The following ABCC5 variants were observed in gnomAD, a reference collection of about 807,000 sequenced individuals.
ABCC5 encodes ATP-binding cassette sub-family C member 5.
In ABCC5, 61 loss-of-function variants were observed where a neutral mutation model predicts 160.9. The ratio of observed to expected loss-of-function variants is 0.38; its 90% confidence interval spans 0.31 to 0.47. The LOEUF (loss-of-function observed/expected upper bound fraction) is 0.47, where lower values mean the gene tolerates loss of function less well. Among genes scored for constraint, ABCC5 ranks in the 20% least tolerant of loss-of-function variants. ABCC5 has a pLI of 0.99. For missense variants in ABCC5, 1,308 were observed against 1,813.3 expected (o/e 0.72, Z 5.06); for synonymous variants, 666 against 700.6 (o/e 0.95, Z 0.78).
Position 183,995,369 on chromosome 3 carries a change from G to C in ABCC5, c.130-5986C>G, listed in dbSNP as rs1452541450. Among the ~76,000 whole-genome samples the C allele has an allele frequency of 1.3e-5, 2 of 151,920 alleles. 1 individual carries two copies. ...CTAAGAACTCTTCTTCCAACCCCCA[G>C]GTCATGAAGATTTTCTCCTATGTGC... is the stretch of plus-strand genomic sequence containing the variant. On this transcript the variant is annotated intron_variant, in intron 2 of 29. Transcript: ENST00000334444.
In ABCC5 at chr3:183,988,628, T is replaced by C. The variant is rs772986917; in HGVS notation, c.387A>G (p.Ser129=). Residue 129 remains serine, a synonymous_variant, in exon 4 of 30, where the codon TCA becomes TCG. Coordinates refer to ENST00000334444, the MANE Select transcript of ABCC5 (RefSeq NM_005688.4). The surrounding 1 kb of genome is among the most constrained non-coding windows in gnomAD (Gnocchi z 4.4). ...TGGACAGAGACCACACGTCTTCCAT[T>C]GAGAGCTCCCCCTTCTTGTGGGCCA... is the stretch of plus-strand genomic sequence containing the variant. ...ARVAHKKGEL[S]MEDVWSLSKH... 1.2e-6 allele frequency: 2 copies of C among 1,614,180 alleles called. No homozygotes were observed.
intron 10 of ABCC5, among the ~76,000 whole-genome samples, chr3:183,973,001 A>T (rs889144637): frequency 3.3e-5 from 5 of 150,346 alleles, no homozygotes; most frequent in Non-Finnish European, 7.4e-5. Context: ...TAAAACACTG[A>T]TCACAATAAA....
At chr3:183,929,185 C>T (rs1429287302) in intron 26 of ABCC5, among the ~76,000 whole-genome samples, 1 of 152,100 alleles carries the variant, frequency 6.6e-6, no homozygotes, top group Admixed American at 6.6e-5. Flanking sequence ...GTAATCCCAG[C>T]ACTTTGGGAG....
intron 28 of ABCC5, among the ~76,000 whole-genome samples, chr3:183,926,533 G>A (rs1025771793): frequency 6.6e-6 from 1 of 151,552 alleles, no homozygotes; most frequent in Admixed American, 6.6e-5. Context: ...CTGGGTGGCA[G>A]AGTGAGACTC....
intron 26 of ABCC5, among the ~76,000 whole-genome samples, chr3:183,931,650 T>C (rs1361951262): frequency 1.3e-5 from 2 of 152,150 alleles, no homozygotes; most frequent in African/African-American, 4.8e-5. Context: ...TAACATTCAA[T>C]TCACCCAGGT....
chr3:183,997,818 T>A (rs1407613582), intron 2 of ABCC5, among the ~76,000 whole-genome samples: 1 of 152,246 alleles, frequency 6.6e-6, no homozygotes, highest in Non-Finnish European at 1.5e-5. Flanking sequence ...GATTTTGCTC[T>A]GTCACCCAGG....
chr3:183,948,142 C>T (rs970388821), intron 22 of ABCC5, among the ~76,000 whole-genome samples: 1 of 152,206 alleles, frequency 6.6e-6, no homozygotes, highest in Non-Finnish European at 1.5e-5. Context: ...TCTGAAGGCT[C>T]AGTGCACCAT....
At chr3:183,923,777 A>C (rs1712239131) in intron 29 of ABCC5, among the ~76,000 whole-genome samples, 1 of 152,206 alleles carries the variant, frequency 6.6e-6, no homozygotes, top group South Asian at 2.1e-4. Flanking sequence ...GCAAACAAAG[A>C]TAGTCACAAA....
intron 27 of ABCC5, 44 bp downstream of exon 27, chr3:183,928,703 A>C: frequency 1.3e-6 from 2 of 1,566,308 alleles, no homozygotes; most frequent in Non-Finnish European, 1.8e-6. Context: ...CTGTGCTTCC[A>C]CCCTCACCAT....
chr3:183,999,029 G>T (rs1720523944), intron 2 of ABCC5, among the ~76,000 whole-genome samples: 2 of 151,640 alleles, frequency 1.3e-5, no homozygotes, highest in South Asian at 2.1e-4. Flanking sequence ...GGTGCAGGTT[G>T]CAGTGAGCTG....
chr3:183,982,338 G>C lies in ABCC5; in HGVS notation c.999+113C>G. On this transcript the variant is annotated intron_variant, in intron 7 of 29. Coordinates refer to ENST00000334444, the MANE Select transcript of ABCC5 (RefSeq NM_005688.4). The surrounding 1 kb of genome is among the most constrained non-coding windows in gnomAD (Gnocchi z 5.2). Reference sequence around the variant, plus strand: ...TCGAGCTCTAGATTGAACCTGCTTTGAGGAAATTTCCAATCAGAGCTGTGA... The same window carrying C: ...TCGAGCTCTAGATTGAACCTGCTTTCAGGAAATTTCCAATCAGAGCTGTGA... 8.0e-7 allele frequency: 1 copy of C among 1,247,796 alleles called. No individual in the cohort carries two copies. Among genetic ancestry groups the C allele is most frequent in the South Asian group, 1.6e-5 (1 of 64,200 alleles). 77.3% of individuals were successfully genotyped at this position (1,247,796 alleles called of 1,614,324 possible).
chr3:183,984,003 G>A (rs1718976798), intron 5 of ABCC5: 3 of 985,304 alleles, frequency 3.0e-6, no homozygotes, highest in Non-Finnish European at 3.6e-6. Flanking sequence ...CAGGCTGACA[G>A]CACTCAATCA....
At chr3:183,989,406 A>T (rs749960440) in intron 2 of ABCC5, 23 bp from the exon 3 acceptor site, 2 of 1,612,738 alleles carry the variant, frequency 1.2e-6, no homozygotes, top group African/African-American at 2.7e-5. Context: ...ATAGGGAGAA[A>T]GGCAAGAGCA....
chr3:183,936,122 A>G (rs1713690457), intron 26 of ABCC5, among the ~76,000 whole-genome samples: 2 of 152,110 alleles, frequency 1.3e-5, no homozygotes, highest in Admixed American at 6.5e-5. Flanking sequence ...GGCCTCAAGA[A>G]GAGGAGACAC....
rs1277109641 is a variant in ABCC5, at chr3:183,921,468, G to A, written c.4213-67C>T. 21 of 1,465,236 alleles carry A rather than the reference G, an allele frequency of 1.4e-5. No homozygotes were observed. Among genetic ancestry groups the A allele is most frequent in the Admixed American group, 6.5e-5 (3 of 46,368 alleles). The allele number at this position is 1,465,236 out of a possible 1,614,324, so 90.8% of individuals were successfully genotyped here. A position where few individuals can be genotyped will look rare whatever the true frequency, so the allele number is the denominator to read the frequency against. ...ATGCAGGGTGATTCAGAGGATCCACGGCTCAGTAAGTGCCAGTGCCCTCTG... is the reference window on the plus strand; with the variant it reads ...ATGCAGGGTGATTCAGAGGATCCACAGCTCAGTAAGTGCCAGTGCCCTCTG... On this transcript the variant is annotated intron_variant, in intron 29 of 29. Coordinates refer to ENST00000334444, the MANE Select transcript of ABCC5 (RefSeq NM_005688.4). This position sits in a 1 kb window ranked among gnomAD's most constrained non-coding sequence, Gnocchi z 4.1.
intron 2 of ABCC5, among the ~76,000 whole-genome samples, chr3:183,995,724 T>C (rs1297922848): frequency 6.6e-6 from 1 of 152,230 alleles, no homozygotes; most frequent in East Asian, 1.9e-4. Flanking sequence ...TTCAACTTTA[T>C]CCTTCCTTTT....
rs1373054585 is a variant in ABCC5, at chr3:183,963,652, C to T, written c.2032-64G>A. On this transcript the variant is annotated intron_variant, in intron 14 of 29. Coordinates refer to ENST00000334444, the MANE Select transcript of ABCC5 (RefSeq NM_005688.4). The surrounding 1 kb of genome is among the most constrained non-coding windows in gnomAD (Gnocchi z 4.6). ...AGTCCAGAACAGCGTGGAGGGGTCA[C>T]CCAGTCACTTCTCTTCTTGCCCACC... is the stretch of plus-strand genomic sequence containing the variant. 6.6e-7 allele frequency: 1 copy of T among 1,523,742 alleles called. No homozygotes were observed. Among genetic ancestry groups the T allele is most frequent in the Non-Finnish European group, 9.0e-7 (1 of 1,111,978 alleles). The allele number at this position is 1,523,742 out of a possible 1,614,324, so 94.4% of individuals were successfully genotyped here.
chr3:183,944,003 T>C (rs923088000), intron 24 of ABCC5, among the ~76,000 whole-genome samples: 18 of 152,186 alleles, frequency 1.2e-4, no homozygotes, highest in African/African-American at 3.9e-4. Context: ...GCTTAAGAAA[T>C]ATTCTACCAC....
At chr3:183,957,970 G>T (rs373145867) in intron 17 of ABCC5, among the ~76,000 whole-genome samples, 2 of 127,228 alleles carry the variant, frequency 1.6e-5, no homozygotes, top group South Asian at 2.7e-4. Context: ...GGTTACATGC[G>T]GATCCGTGTG....
Sources: gnomAD v4.1 joint callset for allele counts (sites outside exome capture counted in the v4.1 genomes callset) on GRCh38, gnomAD v4.1.1 for gene constraint, Gnocchi (gnomAD v3.1) non-coding constraint, MANE v1.5 for transcripts, NCBI Gene and HGNC (gene_info 2026-07-23, HGNC 2026-07-21) for gene names.